Variants in MYT1L observed in about 807,000 individuals in gnomAD.
MYT1L encodes the protein myelin transcription factor 1-like protein.
Under a neutral mutation model 126.7 loss-of-function variants are expected in MYT1L, and 12 were observed. That is an observed-to-expected ratio of 0.09 (90% CI 0.06 to 0.15). MYT1L has a LOEUF of 0.15. MYT1L is among the 10% of genes least tolerant of loss of function. The pLI is 1.00. For missense variants in MYT1L, 979 were observed against 1,585.2 expected, an observed-to-expected ratio of 0.62 and a Z score of 6.49; for synonymous variants, 541 against 604.2, an observed-to-expected ratio of 0.90 and a Z score of 1.53.
Position 1,910,532 on chromosome 2 carries a change from C to T in MYT1L, c.1710-185G>A, listed in dbSNP as rs1230944768. Among the ~76,000 whole-genome samples, 5 of 152,140 alleles carry T rather than the reference C, an allele frequency of 3.3e-5. No homozygotes were observed. The East Asian group carries it at 9.7e-4, about 29-fold the overall frequency. On this transcript the variant is annotated intron_variant, in intron 12 of 24. Transcript: ENST00000647738. This position sits in a 1 kb window ranked among gnomAD's most constrained non-coding sequence, Gnocchi z 4.8. The stretch of plus-strand genomic sequence containing the variant: ...GGGGAGGTAGTCATGTTTCCAGGTG[C>T]ATGCTTTCTGCTGGTCTCCAGCAGA...
intron 3 of MYT1L, among the ~76,000 whole-genome samples, chr2:2,111,755 A>G (rs561834090): frequency 6.6e-5 from 10 of 152,364 alleles, no homozygotes; most frequent in Admixed American, 3.3e-4. Flanking sequence ...TCTTTATCTC[A>G]AAACGTGCAG....
At chr2:1,952,328 T>C (rs370355367) in intron 8 of MYT1L, among the ~76,000 whole-genome samples, 10 of 152,162 alleles carry the variant, frequency 6.6e-5, no homozygotes, top group Middle Eastern at 3.2e-3. Flanking sequence ...GTTACAATAA[T>C]CACTAAATTT....
intron 3 of MYT1L, among the ~76,000 whole-genome samples, chr2:2,093,929 AC>A (rs1024095862): frequency 4.6e-5 from 7 of 152,134 alleles, no homozygotes; most frequent in Non-Finnish European, 1.0e-4. Context: ...TTTTCCCAGC[AC>A]CATTTGTTAA....
intron 2 of MYT1L, among the ~76,000 whole-genome samples, chr2:2,184,713 C>T (rs1327650938): frequency 6.6e-6 from 1 of 152,116 alleles, no homozygotes; most frequent in Admixed American, 6.5e-5. Context: ...CCAGCAGAGC[C>T]GGCAGATTTC....
intron 18 of MYT1L, among the ~76,000 whole-genome samples, chr2:1,878,989 T>C (rs770314906): frequency 6.6e-6 from 1 of 151,190 alleles, no homozygotes; most frequent in Admixed American, 6.6e-5. Flanking sequence ...AAAAAAACAA[T>C]ACAAGAGAAG....
chr2:1,949,232 G>A, intron 8 of MYT1L, among the ~76,000 whole-genome samples: 1 of 152,224 alleles, frequency 6.6e-6, no homozygotes, highest in Non-Finnish European at 1.5e-5. Context: ...CCAGCGACAG[G>A]AGTGGAAGTC....
chr2:1,961,855 C>T (rs978680790), intron 8 of MYT1L, among the ~76,000 whole-genome samples: 2 of 152,098 alleles, frequency 1.3e-5, no homozygotes, highest in Non-Finnish European at 1.5e-5. Flanking sequence ...TACAAATATA[C>T]GGTTTGACAG....
At chr2:2,094,790 G>C (rs1281348314) in intron 3 of MYT1L, among the ~76,000 whole-genome samples, 1 of 150,836 alleles carries the variant, frequency 6.6e-6, no homozygotes, top group Non-Finnish European at 1.5e-5. Flanking sequence ...GGGGAGGGGG[G>C]AGCGATAGCA....
chr2:2,013,192 G>A (rs1379226006), intron 4 of MYT1L, among the ~76,000 whole-genome samples: 1 of 152,154 alleles, frequency 6.6e-6, no homozygotes, highest in Non-Finnish European at 1.5e-5. Context: ...GAACACTCAG[G>A]AAACACAAAT....
chr2:2,227,183 A>C (rs2094031218), intron 2 of MYT1L, among the ~76,000 whole-genome samples: 1 of 152,058 alleles, frequency 6.6e-6, no homozygotes, highest in East Asian at 1.9e-4. Flanking sequence ...TGCAGGCCTC[A>C]GACCTTAGAC....
intron 3 of MYT1L, among the ~76,000 whole-genome samples, chr2:2,138,784 T>C (rs1178152757): frequency 1.3e-5 from 2 of 148,422 alleles, no homozygotes; most frequent in East Asian, 2.0e-4. Flanking sequence ...GCATGGCACA[T>C]GTATACATAT....
intron 18 of MYT1L, among the ~76,000 whole-genome samples, chr2:1,868,956 C>G (rs2045936752): frequency 6.6e-6 from 1 of 152,194 alleles, no homozygotes; most frequent in Admixed American, 6.5e-5. Context: ...TTCAGCTTAA[C>G]CAGCCCTCAG....
intron 4 of MYT1L, among the ~76,000 whole-genome samples, chr2:2,030,784 C>T (rs953492039): frequency 2.6e-5 from 4 of 152,204 alleles, no homozygotes; most frequent in African/African-American, 4.8e-5. Flanking sequence ...TCAGCCCACA[C>T]TGATATGATG....
chr2:1,865,706 C>A (rs996042158), intron 18 of MYT1L, among the ~76,000 whole-genome samples: 18 of 151,970 alleles, frequency 1.2e-4, no homozygotes, highest in African/African-American at 4.4e-4. Flanking sequence ...TGCACTTTCA[C>A]AGGTTAGCAA....
At position 2,228,465 on chromosome 2, in the gene MYT1L, T is replaced by G. The variant is rs1035351; in HGVS notation, c.-420-55477A>C. On this transcript the variant is annotated intron_variant, in intron 2 of 24. Transcript: ENST00000647738. The surrounding 1 kb of genome is among the most constrained non-coding windows in gnomAD (Gnocchi z 5.9). ...TTAATACTGTTATCTAATTAAATAG[T>G]TAAGATTTTTGCTGAAATCAGCAAG... Among the ~76,000 whole-genome samples the G allele has an allele frequency of 6.6e-6, 1 of 152,006 alleles. No homozygotes were observed. The highest frequency in any genetic ancestry group is 1.9e-4 in the East Asian group (1 of 5,184).
At chr2:1,841,129 T>C (rs1301573247) in intron 19 of MYT1L, 1 of 227,672 alleles carries the variant, frequency 4.4e-6, no homozygotes, top group Non-Finnish European at 8.4e-6. Context: ...ATGGTCTCGA[T>C]CTCCTGACCT....
chr2:1,828,083 G>C (rs923972004), intron 21 of MYT1L: 1 of 152,192 alleles, frequency 6.6e-6, no homozygotes, highest in South Asian at 2.1e-4. Context: ...CTTGCCCTCC[G>C]AGTCAGTTCC....
intron 23 of MYT1L, among the ~76,000 whole-genome samples, chr2:1,800,720 C>A (rs1424382421): frequency 6.6e-6 from 1 of 152,142 alleles, no homozygotes; most frequent in Non-Finnish European, 1.5e-5. Context: ...AATAAGGGAG[C>A]CCTCGGAGTG....
At chr2:2,306,684 G>T (rs774977952) in intron 1 of MYT1L, among the ~76,000 whole-genome samples, 4 of 152,132 alleles carry the variant, frequency 2.6e-5, no homozygotes, top group African/African-American at 7.2e-5. Context: ...AGGACAGAAG[G>T]TCCCTCAAAT....
Sources: gnomAD v4.1 joint callset for allele counts (sites outside exome capture counted in the v4.1 genomes callset) on GRCh38, gnomAD v4.1.1 for gene constraint, Gnocchi (gnomAD v3.1) non-coding constraint, MANE v1.5 for transcripts, NCBI Gene and HGNC (gene_info 2026-07-23, HGNC 2026-07-21) for gene names.